CCN6: variants seen among roughly 807,000 people sequenced by gnomAD.
CCN6 encodes cellular communication network factor 6.
In CCN6, 31 loss-of-function variants were observed where a neutral mutation model predicts 37.4. The observed-to-expected ratio is 0.83, with a 90% CI of 0.62 to 1.12. The LOEUF is 1.12. Among genes scored for constraint, CCN6 ranks in the 50% most tolerant of loss-of-function variants. The pLI is 0.00. For synonymous variants in CCN6, 137 were observed against 142.1 expected (o/e 0.96, Z 0.26); for missense variants, 369 against 413.8 (o/e 0.89, Z 0.94).
At chr6:112,068,984 C>T (rs1418590492) in intron 4 of CCN6, among the ~76,000 whole-genome samples, 3 of 152,096 alleles carry the variant, frequency 2.0e-5, no homozygotes, top group Non-Finnish European at 4.4e-5. Context: ...ATCTATGCAT[C>T]CACTGAAAAC....
chr6:112,066,689 C>T (rs1256278987), intron 3 of CCN6, among the ~76,000 whole-genome samples: 2 of 152,130 alleles, frequency 1.3e-5, no homozygotes, highest in African/African-American at 4.8e-5. Flanking sequence ...ATGACAAAAA[C>T]ACATACTTTT....
intron 3 of CCN6, among the ~76,000 whole-genome samples, chr6:112,065,643 CAA>C (rs1776674840): frequency 6.6e-6 from 1 of 151,006 alleles, no homozygotes; most frequent in African/African-American, 2.4e-5. Flanking sequence ...CACACACACA[CAA>C]ACACACACAT....
chr6:112,061,293 G>C lies in CCN6; in HGVS notation c.346+5G>C, dbSNP rs781834362. ...ACGAGACTGGAGTGTGTGCATGTAA[G>C]TGTCTTCTTCTGGACCTGCTGGAAA... On this transcript the variant is annotated splice_donor_5th_base_variant and intron_variant, in intron 2 of 4. Transcript: ENST00000368666. 6.2e-7 allele frequency: 1 copy of C among 1,614,166 alleles called. No individual in the cohort carries two copies. The highest frequency in any genetic ancestry group is 2.2e-5 in the East Asian group (1 of 44,888).
intron 1 of CCN6, 40 bp from the exon 2 acceptor site, chr6:112,060,951 G>A (rs1296816482): frequency 6.2e-7 from 1 of 1,611,112 alleles, no homozygotes; most frequent in Non-Finnish European, 8.5e-7. Flanking sequence ...CTATTACATA[G>A]AGAAGCTATT....
intron 3 of CCN6, 139 bp from the exon 4 acceptor site, chr6:112,068,066 A>G (rs1776751647): frequency 1.4e-6 from 1 of 702,888 alleles, no homozygotes; most frequent in African/African-American, 1.8e-5. Flanking sequence ...GTGATAAATT[A>G]GACCATCGGC....
intron 3 of CCN6, among the ~76,000 whole-genome samples, chr6:112,065,632 A>ACACGCACG (rs1328286128): frequency 3.5e-4 from 52 of 146,758 alleles, no homozygotes; most frequent in Admixed American, 1.3e-3. Flanking sequence ...GCACGCACAC[A>ACACGCACG]CACACACACA....
chr6:112,056,596 A>G (rs1250446253), intron 1 of CCN6, among the ~76,000 whole-genome samples: 1 of 152,054 alleles, frequency 6.6e-6, no homozygotes, highest in East Asian at 1.9e-4. Flanking sequence ...GCTCACTGCA[A>G]CCTCTGCCTT....
At chr6:112,058,497 T>C (rs1554312199) in intron 1 of CCN6, among the ~76,000 whole-genome samples, 2 of 151,974 alleles carry the variant, frequency 1.3e-5, no homozygotes, top group African/African-American at 4.8e-5. Flanking sequence ...GCACCTGAGG[T>C]TGGGTGGCTT....
At chr6:112,055,602 T>G (rs1776324717) in intron 1 of CCN6, among the ~76,000 whole-genome samples, 1 of 152,092 alleles carries the variant, frequency 6.6e-6, no homozygotes, top group African/African-American at 2.4e-5. Context: ...TTTATTTATT[T>G]ATTTAGAGAC....
At chr6:112,064,485 A>C (rs1416046674) in intron 2 of CCN6, among the ~76,000 whole-genome samples, 1 of 152,128 alleles carries the variant, frequency 6.6e-6, no homozygotes, top group Non-Finnish European at 1.5e-5. Flanking sequence ...ATTATCAACC[A>C]CTATACTTAT....
intron 3 of CCN6, among the ~76,000 whole-genome samples, chr6:112,067,690 A>C (rs1295918116): frequency 6.6e-6 from 1 of 152,184 alleles, no homozygotes; most frequent in African/African-American, 2.4e-5. Flanking sequence ...ACAGTTTTCT[A>C]AAAGACTAGA....
rs1336865214 is a variant in CCN6, at chr6:112,054,295, C to G, written c.-63C>G. ...AGAGGAGACAGGGGAGCTTTGTGTA[C>G]CCGGAGCAATGAACAAGCGGCGACT... On this transcript the variant is annotated 5_prime_UTR_variant, in exon 1 of 5. Coordinates refer to ENST00000368666, the MANE Select transcript of CCN6 (RefSeq NM_198239.2). The G allele has an allele frequency of 1.4e-5, 23 of 1,613,702 alleles. No homozygotes were observed. Among genetic ancestry groups the G allele is most frequent in the Non-Finnish European group, 1.7e-5 (20 of 1,179,772 alleles).
At chr6:112,059,592 C>T (rs1776448773) in intron 1 of CCN6, among the ~76,000 whole-genome samples, 1 of 152,144 alleles carries the variant, frequency 6.6e-6, no homozygotes, top group African/African-American at 2.4e-5. Context: ...AGAGTGATAA[C>T]CTCAAGATTC....
intron 1 of CCN6, among the ~76,000 whole-genome samples, chr6:112,058,491 C>T (rs1216318046): frequency 6.6e-6 from 1 of 152,158 alleles, no homozygotes; most frequent in Non-Finnish European, 1.5e-5. Context: ...CCACAAGCAC[C>T]TGAGGTTGGG....
intron 1 of CCN6, 118 bp from the exon 2 acceptor site, chr6:112,060,870 GTTA>G (rs1163704285): frequency 2.6e-6 from 3 of 1,155,652 alleles, no homozygotes; most frequent in East Asian, 4.9e-5. Flanking sequence ...GCTGATAGGT[GTTA>G]TTATAATGAT....
At chr6:112,063,343 A>G (rs1221457176) in intron 2 of CCN6, among the ~76,000 whole-genome samples, 1 of 152,232 alleles carries the variant, frequency 6.6e-6, no homozygotes, top group Non-Finnish European at 1.5e-5. Context: ...ATGGAATCTG[A>G]AACCATATCA....
At chr6:112,054,435 C>T (rs782760621) in intron 1 of CCN6, 30 bp downstream of exon 1, 5 of 1,607,346 alleles carry the variant, frequency 3.1e-6, no homozygotes, top group Admixed American at 1.7e-5. Flanking sequence ...TCTTTCCCTT[C>T]CGGAGGCTAT....
chr6:112,068,473 G>A, intron 4 of CCN6, 75 bp downstream of exon 4: 1 of 1,322,004 alleles, frequency 7.6e-7, no homozygotes, highest in South Asian at 1.4e-5. Flanking sequence ...TGTTTTGGAG[G>A]GTGGGATGGT....
At position 112,068,300 on chromosome 6, in the gene CCN6, A is replaced by C; in HGVS notation, c.685A>C (p.Asn229His). ...CAGAACATGTGGGATGGGAATATCT[A>C]ACAGGGTGACCAATGAAAACAGCAA... ...CSRTCGMGISNRVTNENSNCE... is the reference protein window; with the variant it reads ...CSRTCGMGISHRVTNENSNCE... The change falls in exon 4 of 5, where the codon AAC becomes CAC. Residue 229 changes from asparagine (N) to histidine (H), a missense_variant. Transcript: ENST00000368666. The C allele has an allele frequency of 1.2e-6, 2 of 1,613,572 alleles. No individual in the cohort carries two copies. The highest frequency in any genetic ancestry group is 1.7e-6 in the Non-Finnish European group (2 of 1,179,686).
Sources: gnomAD v4.1 joint callset for allele counts (sites outside exome capture counted in the v4.1 genomes callset) on GRCh38, gnomAD v4.1.1 for gene constraint, MANE v1.5 for transcripts, NCBI Gene and HGNC (gene_info 2026-07-23, HGNC 2026-07-21) for gene names.